Variants in CSMD1 observed in about 807,000 individuals in gnomAD.
CSMD1 encodes the protein CUB and sushi domain-containing protein 1.
A neutral mutation model predicts 417.5 loss-of-function variants in CSMD1; 213 were observed. The ratio of observed to expected loss-of-function variants is 0.51; its 90% CI spans 0.46 to 0.57. The LOEUF (loss-of-function observed/expected upper bound fraction) is 0.57, where lower values mean the gene tolerates loss of function less well. CSMD1 is among the 20% of genes least tolerant of loss of function. The probability of loss-of-function intolerance (pLI) is 0.00; values close to 1 mark genes in which losing one functional copy is unlikely to be tolerated. For synonymous variants in CSMD1, 2,862 were observed against 1,736.8 expected (o/e 1.65, Z -16.11); for missense variants, 6,923 against 4,529.7 (o/e 1.53, Z -15.17).
At chr8:3,212,193 T>C (rs1032163875) in intron 30 of CSMD1, among the ~76,000 whole-genome samples, 1 of 152,174 alleles carries the variant, frequency 6.6e-6, no homozygotes, top group African/African-American at 2.4e-5. Flanking sequence ...ATGCTTCTTA[T>C]TTTAGTTTTT....
In CSMD1 at chr8:3,052,594, C is replaced by A; in HGVS notation, c.7528G>T (p.Glu2510Ter). ...SPGNGSFTGNEFTLDSKVVYE... is the reference protein window; with the variant it reads ...SPGNGSFTGN ...ACCACTTTACTGTCCAAAGTGAACT[C>A]GTTCCCGGTAAATGAACCGTTTCCT... The change falls in exon 50 of 70, where the codon GAG becomes TAG. Residue 2510 changes from glutamate to a stop codon, truncating the protein, a stop_gained. Transcript: ENST00000635120. LOFTEE classifies it high-confidence loss of function. The A allele has an allele frequency of 6.2e-7, 1 of 1,611,932 alleles. No homozygotes were observed. The highest frequency in any genetic ancestry group is 8.5e-7 in the Non-Finnish European group (1 of 1,179,046).
intron 1 of CSMD1, among the ~76,000 whole-genome samples, chr8:4,764,738 T>G (rs1348273627): frequency 6.7e-6 from 1 of 150,056 alleles, no homozygotes; most frequent in Non-Finnish European, 1.5e-5. Context: ...CCGGGTGTTG[T>G]GGCGGCTGCC....
At chr8:4,686,283 G>T (rs1206448583) in intron 1 of CSMD1, among the ~76,000 whole-genome samples, 1 of 152,120 alleles carries the variant, frequency 6.6e-6, no homozygotes, top group Non-Finnish European at 1.5e-5. Flanking sequence ...TCTTTTCAAC[G>T]GCCCATTAAA....
chr8:4,461,021 CAAG>C (rs1433083782), intron 2 of CSMD1, among the ~76,000 whole-genome samples: 3 of 152,082 alleles, frequency 2.0e-5, no homozygotes, highest in East Asian at 1.9e-4. Flanking sequence ...CAAAACAAAT[CAAG>C]AAATTCAGAT....
chr8:4,134,229 C>T (rs1436152129), intron 3 of CSMD1, among the ~76,000 whole-genome samples: 3 of 152,218 alleles, frequency 2.0e-5, no homozygotes, highest in East Asian at 1.9e-4. Flanking sequence ...TTGTGTCTCC[C>T]CAGAGTTCGT....
intron 3 of CSMD1, among the ~76,000 whole-genome samples, chr8:4,243,493 C>T (rs991579118): frequency 6.6e-6 from 1 of 152,092 alleles, no homozygotes; most frequent in African/African-American, 2.4e-5. Context: ...AAAACAGAAA[C>T]TTTCTAATTT....
At chr8:4,911,851 A>T (rs900306019) in intron 1 of CSMD1, among the ~76,000 whole-genome samples, 6 of 152,052 alleles carry the variant, frequency 3.9e-5, no homozygotes, top group Non-Finnish European at 5.9e-5. Context: ...TCTCCAAATA[A>T]ATTTGACAAT....
At chr8:4,180,380 G>C (rs1034651286) in intron 3 of CSMD1, among the ~76,000 whole-genome samples, 3 of 140,158 alleles carry the variant, frequency 2.1e-5, no homozygotes, top group Admixed American at 8.0e-5. Context: ...TGAAAAATGA[G>C]AACACATGGA....
rs530523179 is a variant in CSMD1 at position 4,708,118 on chromosome 8, ATTTTT to A, written c.86-70565_86-70561del. 6.8e-4 allele frequency among the ~76,000 whole-genome samples: 86 copies of A among 126,894 alleles called. 1 individual carries two copies. In the East Asian group the frequency reaches 0.018, roughly 27 times the overall value. The allele number at this position is 126,894 out of a possible 152,430, so 83.2% of individuals were successfully genotyped here. ...GCCAATACACTGGCTAATTTTTTGT[ATTTTT>A]TTTTATTTTTTTGTAGAGATGGAGT... On this transcript the variant is annotated intron_variant, in intron 1 of 69. Transcript: ENST00000635120.
chr8:2,973,032 T>C, intron 57 of CSMD1, 85 bp downstream of exon 57: 1 of 1,320,918 alleles, frequency 7.6e-7, no homozygotes, highest in South Asian at 1.4e-5. Flanking sequence ...ACCTCTAGAA[T>C]TTTTGTAGAA....
intron 7 of CSMD1, among the ~76,000 whole-genome samples, chr8:3,681,114 T>C (rs981043959): frequency 7.9e-5 from 12 of 152,178 alleles, no homozygotes; most frequent in African/African-American, 2.9e-4. Context: ...AAGCATTCCC[T>C]TTGAAAACTG....
chr8:4,378,804 G>T (rs1484047657), intron 3 of CSMD1, among the ~76,000 whole-genome samples: 1 of 152,104 alleles, frequency 6.6e-6, no homozygotes, highest in Non-Finnish European at 1.5e-5. Context: ...AGACGTCAAG[G>T]GAGCTTTTTC....
At chr8:4,283,886 T>A (rs920942214) in intron 3 of CSMD1, among the ~76,000 whole-genome samples, 1 of 152,180 alleles carries the variant, frequency 6.6e-6, no homozygotes. Flanking sequence ...TCTCCATGTC[T>A]TATACATACA....
At chr8:3,603,182 C>T (rs1022923818) in intron 8 of CSMD1, among the ~76,000 whole-genome samples, 3 of 152,112 alleles carry the variant, frequency 2.0e-5, no homozygotes, top group Non-Finnish European at 4.4e-5. Flanking sequence ...TTAAAAAATG[C>T]AGTTGATGCT....
At chr8:4,161,339 C>G (rs1358882274) in intron 3 of CSMD1, among the ~76,000 whole-genome samples, 1 of 152,122 alleles carries the variant, frequency 6.6e-6, no homozygotes, top group Non-Finnish European at 1.5e-5. Context: ...GGCTAAAATC[C>G]CGGTCTCTTT....
At chr8:3,617,006 T>C in intron 7 of CSMD1, among the ~76,000 whole-genome samples, 1 of 152,190 alleles carries the variant, frequency 6.6e-6, no homozygotes, top group Non-Finnish European at 1.5e-5. Flanking sequence ...GAAAGGATGA[T>C]AATCTTTGGT....
At chr8:4,198,158 T>C (rs1179732751) in intron 3 of CSMD1, among the ~76,000 whole-genome samples, 1 of 152,194 alleles carries the variant, frequency 6.6e-6, no homozygotes. Flanking sequence ...TGATCAGCAG[T>C]CCCGAAGCAT....
intron 1 of CSMD1, among the ~76,000 whole-genome samples, chr8:4,747,051 G>C (rs961720243): frequency 2.6e-5 from 4 of 152,158 alleles, no homozygotes; most frequent in African/African-American, 9.7e-5. Flanking sequence ...CTCCCCACCA[G>C]AATGGATCAC....
chr8:4,654,866 G>T (rs1018323301), intron 1 of CSMD1, among the ~76,000 whole-genome samples: 2 of 152,018 alleles, frequency 1.3e-5, no homozygotes, highest in Admixed American at 1.3e-4. Context: ...TATTTGGAAA[G>T]GGGCAAAGGG....
Sources: gnomAD v4.1 joint callset for allele counts (sites outside exome capture counted in the v4.1 genomes callset) on GRCh38, gnomAD v4.1.1 for gene constraint, MANE v1.5 for transcripts, NCBI Gene and HGNC (gene_info 2026-07-23, HGNC 2026-07-21) for gene names.